Variants in FSBP observed in about 807,000 individuals in gnomAD.
The protein encoded by FSBP is fibrinogen silencer-binding protein.
Under a neutral mutation model 24.6 loss-of-function variants are expected in FSBP, and 18 were observed. The ratio of observed to expected loss-of-function variants is 0.73; its 90% confidence interval spans 0.51 to 1.08. FSBP has a LOEUF of 1.08. Among genes scored for constraint, FSBP ranks in the 50% least tolerant of loss-of-function variants. The pLI is 0.00. For missense variants in FSBP, 305 were observed against 347.6 expected (o/e 0.88, Z 0.98); for synonymous variants, 110 against 125.8 (o/e 0.87, Z 0.84).
At position 94,429,392 on chromosome 8, in the gene FSBP, C is replaced by CT. The variant is rs905896206; in HGVS notation, c.*2738dup. 149 of 832,454 alleles carry CT rather than the reference C, an allele frequency of 1.8e-4. 1 individual carries two copies. In the East Asian group the frequency reaches 1.9e-3, roughly 10 times the overall value. 51.6% of individuals were successfully genotyped at this position (832,454 alleles called of 1,614,324 possible). A position where few individuals can be genotyped will look rare whatever the true frequency, so the allele number is the denominator to read the frequency against. ...AAAAATAAAAAAGATGTATACTGCA[C>CT]TTTTTTTTAACACAGATCTCTTTTC... On this transcript the variant is annotated 3_prime_UTR_variant, in exon 2 of 2. Coordinates refer to ENST00000481490, the MANE Select transcript of FSBP (RefSeq NM_001256141.2).
In FSBP at chr8:94,432,248, C is replaced by G; in HGVS notation, c.783G>C (p.Arg261Ser). The part of the protein sequence containing the change: ...KNFGLYVQEK[R>S]DGLKRRQQLE... ...GCTGCTGCCTTCTTTTCAATCCATC[C>G]CTCTTCTCCTGAACATACAATCCAA... is the stretch of plus-strand genomic sequence containing the variant. The change falls in exon 2 of 2, where the codon AGG becomes AGC. Residue 261 changes from arginine (R) to serine (S), a missense_variant. By Grantham distance (110) the Arg-to-Ser change is moderately radical. Coordinates refer to ENST00000481490, the MANE Select transcript of FSBP (RefSeq NM_001256141.2). The G allele has an allele frequency of 1.3e-6, 2 of 1,550,310 alleles. No individual in the cohort carries two copies. Among genetic ancestry groups the G allele is most frequent in the Non-Finnish European group, 1.7e-6 (2 of 1,146,864 alleles).
At chr8:94,433,309 G>A (rs1812164327) in intron 1 of FSBP, among the ~76,000 whole-genome samples, 1 of 151,988 alleles carries the variant, frequency 6.6e-6, no homozygotes, top group African/African-American at 2.4e-5. Flanking sequence ...TGACTCAGAT[G>A]CTGTTTAAGT....
chr8:94,436,143 C>T (rs1812253520), intron 1 of FSBP, among the ~76,000 whole-genome samples: 1 of 151,884 alleles, frequency 6.6e-6, no homozygotes, highest in East Asian at 1.9e-4. Flanking sequence ...GAAATGTAAT[C>T]TTAAATGAGA....
chr8:94,436,654 T>C lies in FSBP; in HGVS notation c.215A>G (p.Tyr72Cys). 1 of 1,550,572 alleles carries C rather than the reference T, an allele frequency of 6.4e-7. No homozygotes were observed. The highest frequency in any genetic ancestry group is 2.4e-5 in the East Asian group (1 of 40,914). ...PRTAQGLRTLYKRLKEYAKQE... is the reference protein window; with the variant it reads ...PRTAQGLRTLCKRLKEYAKQE... ...TTTGGCATATTCTTTGAGCCTTTTA[T>C]AAAGGGTGCGTAGGCCCTGTGCTGT... The change falls in exon 1 of 2, where the codon TAT (tyrosine) becomes TGT (cysteine). Residue 72 changes from tyrosine to cysteine, a missense_variant. By Grantham distance (194) the Tyr-to-Cys change is radical (BLOSUM62 -2). Coordinates refer to ENST00000481490, the MANE Select transcript of FSBP (RefSeq NM_001256141.2).
chr8:94,431,706 T>C lies in FSBP; in HGVS notation c.*425A>G, dbSNP rs1812100680. The C allele has an allele frequency of 2.0e-6, 2 of 985,160 alleles. No homozygotes were observed. The highest frequency in any genetic ancestry group is 1.7e-5 in the African/African-American group (1 of 57,330). 61.0% of individuals were successfully genotyped at this position (985,160 alleles called of 1,614,324 possible). ...CAAAAGATAAAAGCATAAAAACCAA[T>C]GTCATACAGACAAGCTTCTTGGTAT... On this transcript the variant is annotated 3_prime_UTR_variant, in exon 2 of 2. Transcript: ENST00000481490.
chr8:94,429,914 C>A lies in FSBP; in HGVS notation c.*2217G>T. On this transcript the variant is annotated 3_prime_UTR_variant, in exon 2 of 2. Transcript: ENST00000481490. ...TGATTTAAGTTCTTCCAATACAATGCCTGTCCCTAAATGCCACTCCTCCTA... is the reference window on the plus strand; with the variant it reads ...TGATTTAAGTTCTTCCAATACAATGACTGTCCCTAAATGCCACTCCTCCTA... 2.3e-5 allele frequency: 23 copies of A among 985,316 alleles called. No homozygotes were observed. The highest frequency in any genetic ancestry group is 2.8e-5 in the Non-Finnish European group (23 of 829,918). 61.0% of individuals were successfully genotyped at this position (985,316 alleles called of 1,614,324 possible). A position where few individuals can be genotyped will look rare whatever the true frequency, so the allele number is the denominator to read the frequency against.
rs1812028642 is a variant in FSBP, at chr8:94,429,407, G to A, written c.*2724C>T. On this transcript the variant is annotated 3_prime_UTR_variant, in exon 2 of 2. Coordinates refer to ENST00000481490, the MANE Select transcript of FSBP (RefSeq NM_001256141.2). Reference sequence around the variant, plus strand: ...GTATACTGCACTTTTTTTTAACACAGATCTCTTTTCTAGAAACATCTCACA... The same window carrying A: ...GTATACTGCACTTTTTTTTAACACAAATCTCTTTTCTAGAAACATCTCACA... The A allele has an allele frequency of 5.7e-6, 5 of 871,968 alleles. No individual in the cohort carries two copies. In the South Asian group the frequency reaches 2.7e-4, roughly 46 times the overall value. 54.0% of individuals were successfully genotyped at this position (871,968 alleles called of 1,614,324 possible).
rs1340677463 is a variant in FSBP at position 94,428,675 on chromosome 8, T to G, written c.*3456A>C. The G allele has an allele frequency of 3.6e-6, 3 of 841,634 alleles. No individual in the cohort carries two copies. The highest frequency in any genetic ancestry group is 4.3e-6 in the Non-Finnish European group (3 of 698,978). The allele number at this position is 841,634 out of a possible 1,614,324, so 52.1% of individuals were successfully genotyped here. On this transcript the variant is annotated 3_prime_UTR_variant, in exon 2 of 2. Coordinates refer to ENST00000481490, the MANE Select transcript of FSBP (RefSeq NM_001256141.2). ...GTTATTTATTTTTCTGCCTGAATAT[T>G]TTCAATCCACAGTAGTTCAATCTGC...
rs1812033662 is a variant in FSBP at position 94,429,557 on chromosome 8, T to A, written c.*2574A>T. The A allele has an allele frequency of 1.0e-6, 1 of 982,554 alleles. No individual in the cohort carries two copies. The highest frequency in any genetic ancestry group is 1.1e-4 in the East Asian group (1 of 8,814). The allele number at this position is 982,554 out of a possible 1,614,324, so 60.9% of individuals were successfully genotyped here. On this transcript the variant is annotated 3_prime_UTR_variant, in exon 2 of 2. Transcript: ENST00000481490. ...AAACTGTAAAGTGAATTACATCTCATATATGTGCTTTCAATAATTTCAAAA... is the reference window on the plus strand; with the variant it reads ...AAACTGTAAAGTGAATTACATCTCAAATATGTGCTTTCAATAATTTCAAAA...
Position 94,429,747 on chromosome 8 carries a change from C to T in FSBP, c.*2384G>A. 2.0e-6 allele frequency: 2 copies of T among 984,398 alleles called. No individual in the cohort carries two copies. Among genetic ancestry groups the T allele is most frequent in the Middle Eastern group, 5.2e-4 (1 of 1,910 alleles). The allele number at this position is 984,398 out of a possible 1,614,324, so 61.0% of individuals were successfully genotyped here. A position where few individuals can be genotyped will look rare whatever the true frequency, so the allele number is the denominator to read the frequency against. On this transcript the variant is annotated 3_prime_UTR_variant, in exon 2 of 2. Coordinates refer to ENST00000481490, the MANE Select transcript of FSBP (RefSeq NM_001256141.2). ...GATATATCAAGTTATATATTCAGGA[C>T]ATCTTTATAATTAAAGAAGTTAACT...
At position 94,429,595 on chromosome 8, in the gene FSBP, T is replaced by C; in HGVS notation, c.*2536A>G. On this transcript the variant is annotated 3_prime_UTR_variant, in exon 2 of 2. Coordinates refer to ENST00000481490, the MANE Select transcript of FSBP (RefSeq NM_001256141.2). ...AATAATTTCAAAAAATAAAGCTTAC[T>C]ACTGCCAAGATGTGTTTACTAGAAT... is the stretch of plus-strand genomic sequence containing the variant. 1.0e-6 allele frequency: 1 copy of C among 983,210 alleles called. No homozygotes were observed. The highest frequency in any genetic ancestry group is 4.7e-5 in the South Asian group (1 of 21,234). The allele number at this position is 983,210 out of a possible 1,614,324, so 60.9% of individuals were successfully genotyped here.
At chr8:94,435,919 C>T (rs1400885746) in intron 1 of FSBP, among the ~76,000 whole-genome samples, 1 of 152,038 alleles carries the variant, frequency 6.6e-6, no homozygotes, top group African/African-American at 2.4e-5. Context: ...TAGTTGTGTT[C>T]ATCTTTATTT....
At position 94,431,007 on chromosome 8, in the gene FSBP, T is replaced by TC. The variant is rs1434111960; in HGVS notation, c.*1123dup. Reference sequence around the variant, plus strand: ...CACTCTTGACTTCAAACACCCATGGTCCCCTTCACTGCTGAAATTACACCC... The same window carrying TC: ...CACTCTTGACTTCAAACACCCATGGTCCCCCTTCACTGCTGAAATTACACCC... On this transcript the variant is annotated 3_prime_UTR_variant, in exon 2 of 2. Transcript: ENST00000481490. The TC allele has an allele frequency of 5.1e-6, 5 of 985,202 alleles. No homozygotes were observed. In the African/African-American group the frequency reaches 8.7e-5, roughly 17 times the overall value. 61.0% of individuals were successfully genotyped at this position (985,202 alleles called of 1,614,324 possible).
In FSBP at chr8:94,428,595, C is replaced by T; in HGVS notation, c.*3536G>A. 2.2e-6 allele frequency: 1 copy of T among 462,322 alleles called. No homozygotes were observed. Among genetic ancestry groups the T allele is most frequent in the Non-Finnish European group, 2.8e-6 (1 of 352,346 alleles). 28.6% of individuals were successfully genotyped at this position (462,322 alleles called of 1,614,324 possible). A position where few individuals can be genotyped will look rare whatever the true frequency, so the allele number is the denominator to read the frequency against. On this transcript the variant is annotated 3_prime_UTR_variant, in exon 2 of 2. Coordinates refer to ENST00000481490, the MANE Select transcript of FSBP (RefSeq NM_001256141.2). ...CCCAAAACTGGGGATTAGCCCAACT[C>T]CTACCTCAGTTATACCGTCTTTTTA...
At position 94,427,867 on chromosome 8, in the gene FSBP, G is replaced by T. The variant is rs932389155; in HGVS notation, c.*4264C>A. 9.4e-6 allele frequency: 9 copies of T among 957,776 alleles called. No homozygotes were observed. The highest frequency in any genetic ancestry group is 6.2e-5 in the Admixed American group (1 of 16,136). 59.3% of individuals were successfully genotyped at this position (957,776 alleles called of 1,614,324 possible). A position where few individuals can be genotyped will look rare whatever the true frequency, so the allele number is the denominator to read the frequency against. On this transcript the variant is annotated 3_prime_UTR_variant, in exon 2 of 2. Coordinates refer to ENST00000481490, the MANE Select transcript of FSBP (RefSeq NM_001256141.2). Reference sequence around the variant, plus strand: ...GACATTACTCCAAAAGAAGGCACATGAAAAAAACTCATAGTTTAAACATTT... The same window carrying T: ...GACATTACTCCAAAAGAAGGCACATTAAAAAAACTCATAGTTTAAACATTT...
chr8:94,436,423 A>G (rs1365789149), intron 1 of FSBP, 72 bp downstream of exon 1: 10 of 1,448,660 alleles, frequency 6.9e-6, no homozygotes, highest in Non-Finnish European at 9.1e-6. Flanking sequence ...GCATATCTCT[A>G]TCACGACTAA....
At position 94,431,149 on chromosome 8, in the gene FSBP, A is replaced by G. The variant is rs1357355597; in HGVS notation, c.*982T>C. 4.3e-6 allele frequency: 4 copies of G among 923,768 alleles called. No homozygotes were observed. In the Admixed American group the frequency reaches 2.5e-4, roughly 57 times the overall value. 57.2% of individuals were successfully genotyped at this position (923,768 alleles called of 1,614,324 possible). A position where few individuals can be genotyped will look rare whatever the true frequency, so the allele number is the denominator to read the frequency against. On this transcript the variant is annotated 3_prime_UTR_variant, in exon 2 of 2. Coordinates refer to ENST00000481490, the MANE Select transcript of FSBP (RefSeq NM_001256141.2). Reference sequence around the variant, plus strand: ...ATATAAATTTAATATGTATGCTTTAAGAATTGAGGTTTTATTTCCATGAAT... The same window carrying G: ...ATATAAATTTAATATGTATGCTTTAGGAATTGAGGTTTTATTTCCATGAAT...
Position 94,430,748 on chromosome 8 carries a change from G to A in FSBP, c.*1383C>T. 1.0e-6 allele frequency: 1 copy of A among 974,834 alleles called. No individual in the cohort carries two copies. The highest frequency in any genetic ancestry group is 1.8e-5 in the African/African-American group (1 of 57,074). 60.4% of individuals were successfully genotyped at this position (974,834 alleles called of 1,614,324 possible). A position where few individuals can be genotyped will look rare whatever the true frequency, so the allele number is the denominator to read the frequency against. On this transcript the variant is annotated 3_prime_UTR_variant, in exon 2 of 2. Transcript: ENST00000481490. Reference sequence around the variant, plus strand: ...GTTATTTGCAAACATTTTAAAATTGGAAGATTCCTCATTAAAAAATGCAGA... The same window carrying A: ...GTTATTTGCAAACATTTTAAAATTGAAAGATTCCTCATTAAAAAATGCAGA...
chr8:94,432,224 C>T lies in FSBP; in HGVS notation c.807G>A (p.Gln269=). 6.4e-7 allele frequency: 1 copy of T among 1,550,392 alleles called. No homozygotes were observed. Among genetic ancestry groups the T allele is most frequent in the Non-Finnish European group, 8.7e-7 (1 of 1,146,890 alleles). The change falls in exon 2 of 2, where the codon CAG becomes CAA. Residue 269 remains glutamine (Q), a synonymous_variant. Coordinates refer to ENST00000481490, the MANE Select transcript of FSBP (RefSeq NM_001256141.2). Reference sequence around the variant, plus strand: ...TTGCTCTTAGTAGCTCTTCCTCTAGCTGCTGCCTTCTTTTCAATCCATCCC... The same window carrying T: ...TTGCTCTTAGTAGCTCTTCCTCTAGTTGCTGCCTTCTTTTCAATCCATCCC... ...EKRDGLKRRQ[Q]LEEELLRAKI... is the part of the protein sequence containing the mutation.
Sources: gnomAD v4.1 joint callset for allele counts (sites outside exome capture counted in the v4.1 genomes callset) on GRCh38, gnomAD v4.1.1 for gene constraint, MANE v1.5 for transcripts, NCBI Gene and HGNC (gene_info 2026-07-23, HGNC 2026-07-21) for gene names.